Variants in RAB6A observed in about 807,000 individuals in gnomAD.
RAB6A encodes the protein RAB6A, member RAS oncogene family.
Under a neutral mutation model 32.3 loss-of-function variants are expected in RAB6A, and 8 were observed. That is an observed-to-expected ratio of 0.25 (90% CI 0.15 to 0.45). The LOEUF is 0.45. Among genes scored for constraint, RAB6A ranks in the 20% least tolerant of loss-of-function variants. RAB6A has a pLI of 1.00. For synonymous variants in RAB6A, 73 were observed against 82.1 expected (o/e 0.89, Z 0.60); for missense variants, 104 against 249.4 (o/e 0.42, Z 3.93).
chr11:73,760,121 A>C, intron 1 of RAB6A: 1 of 1,292,078 alleles, frequency 7.7e-7, no homozygotes, highest in Non-Finnish European at 1.0e-6. Flanking sequence ...CTCCTTGGCC[A>C]AGGTTGAAGA....
intron 5 of RAB6A, among the ~76,000 whole-genome samples, chr11:73,710,569 TCTA>T (rs896504121): frequency 2.0e-5 from 3 of 151,740 alleles, no homozygotes. Context: ...AAACCCCATC[TCTA>T]CTAAAAATAT....
intron 1 of RAB6A, among the ~76,000 whole-genome samples, chr11:73,740,637 C>T (rs1188511061): frequency 6.6e-6 from 1 of 151,586 alleles, no homozygotes; most frequent in Non-Finnish European, 1.5e-5. Flanking sequence ...GCCGGTAATC[C>T]CAGCACTTTG....
At chr11:73,714,089 G>C (rs1451550670) in intron 5 of RAB6A, among the ~76,000 whole-genome samples, 1 of 150,750 alleles carries the variant, frequency 6.6e-6, no homozygotes, top group South Asian at 2.1e-4. Context: ...CTACTCGGGA[G>C]GCTGAGGCAG....
chr11:73,757,950 T>C (rs1289949998), intron 1 of RAB6A, among the ~76,000 whole-genome samples: 2 of 152,262 alleles, frequency 1.3e-5, no homozygotes, highest in Non-Finnish European at 2.9e-5. Context: ...GGGAGTTGCA[T>C]TCTTCTGTGG....
At chr11:73,715,916 G>C (rs1804298964) in intron 5 of RAB6A, among the ~76,000 whole-genome samples, 1 of 152,172 alleles carries the variant, frequency 6.6e-6, no homozygotes, top group Non-Finnish European at 1.5e-5. Flanking sequence ...AATTTTTAAA[G>C]ATAAGGTTTT....
chr11:73,683,808 C>T (rs1945396962), intron 6 of RAB6A, among the ~76,000 whole-genome samples: 1 of 152,198 alleles, frequency 6.6e-6, no homozygotes, highest in African/African-American at 2.4e-5. Context: ...CTGCCTCAGC[C>T]TCCCAAAGTG....
chr11:73,716,467 C>T, intron 4 of RAB6A, 105 bp from the exon 5 acceptor site: 1 of 663,072 alleles, frequency 1.5e-6, no homozygotes, highest in Admixed American at 2.7e-5. Flanking sequence ...AGGGGGCTGG[C>T]ACATTAGTAC....
chr11:73,685,808 C>T (rs1945443861), intron 6 of RAB6A, among the ~76,000 whole-genome samples: 2 of 139,312 alleles, frequency 1.4e-5, no homozygotes, highest in African/African-American at 5.4e-5. Context: ...TCGCTTGAAC[C>T]GGGGAGGTGG....
chr11:73,688,020 G>A (rs1052646786), intron 6 of RAB6A, among the ~76,000 whole-genome samples: 2 of 152,174 alleles, frequency 1.3e-5, no homozygotes, highest in African/African-American at 4.8e-5. Context: ...GGCACCTTAT[G>A]CTGGTTTGTG....
At chr11:73,687,492 G>A (rs180997055) in intron 6 of RAB6A, among the ~76,000 whole-genome samples, 371 of 152,252 alleles carry the variant, frequency 2.4e-3, no homozygotes, top group Non-Finnish European at 4.2e-3. Flanking sequence ...CTCAAGAGAG[G>A]CACTCGCTAA....
chr11:73,755,455 G>A (rs902496164), intron 1 of RAB6A, among the ~76,000 whole-genome samples: 5 of 151,740 alleles, frequency 3.3e-5, no homozygotes, highest in Admixed American at 1.3e-4. Context: ...CACCATGCCC[G>A]GCTAATTTTG....
intron 1 of RAB6A, among the ~76,000 whole-genome samples, chr11:73,754,736 T>C (rs543607613): frequency 5.6e-4 from 85 of 151,974 alleles, no homozygotes; most frequent in Non-Finnish European, 8.7e-4. Flanking sequence ...CTGGCCAATA[T>C]AGCAAAACCC....
chr11:73,732,876 G>A (rs1946339572), intron 1 of RAB6A, among the ~76,000 whole-genome samples: 2 of 151,516 alleles, frequency 1.3e-5, no homozygotes, highest in African/African-American at 2.4e-5. Flanking sequence ...GCAGTGACGC[G>A]ATCTCGGCTC....
intron 7 of RAB6A, 149 bp from the exon 8 acceptor site, chr11:73,678,111 T>C (rs935365429): frequency 5.1e-6 from 4 of 789,466 alleles, no homozygotes; most frequent in Admixed American, 2.3e-5. Context: ...CCATATAAGG[T>C]GCTCAAATGG....
At chr11:73,726,401 T>C (rs1946221262) in intron 2 of RAB6A, among the ~76,000 whole-genome samples, 1 of 149,108 alleles carries the variant, frequency 6.7e-6, no homozygotes, top group Admixed American at 6.7e-5. Flanking sequence ...GCTAGCACAG[T>C]GAAACCCTGT....
chr11:73,714,176 G>C (rs1306429106), intron 5 of RAB6A, among the ~76,000 whole-genome samples: 22 of 95,362 alleles, frequency 2.3e-4, no homozygotes, highest in Admixed American at 6.0e-4. Context: ...TAAGCAACAA[G>C]AGCAGAACTC....
At chr11:73,747,121 A>T (rs1434927085) in intron 1 of RAB6A, among the ~76,000 whole-genome samples, 1 of 151,840 alleles carries the variant, frequency 6.6e-6, no homozygotes, top group Non-Finnish European at 1.5e-5. Context: ...CTATTTGGAA[A>T]TTTTTTTGGC....
intron 1 of RAB6A, chr11:73,760,039 C>T: frequency 7.8e-7 from 1 of 1,289,302 alleles, no homozygotes; most frequent in African/African-American, 1.5e-5. Flanking sequence ...TACTACCACC[C>T]CTTCCCACCT....
At chr11:73,730,900 T>G in intron 1 of RAB6A, 77 bp from the exon 2 acceptor site, 1 of 1,057,592 alleles carries the variant, frequency 9.5e-7, no homozygotes. Context: ...TACAGAGAAC[T>G]GCAATTAAAG....
Sources: allele counts gnomAD v4.1 joint callset (sites outside exome capture counted in the v4.1 genomes callset), GRCh38; gene constraint gnomAD v4.1.1; transcripts MANE v1.5; gene names NCBI Gene and HGNC (gene_info 2026-07-23, HGNC 2026-07-21).